The following TRPM5 variants were observed in gnomAD, a reference collection of about 807,000 sequenced individuals.
The protein encoded by TRPM5 is MLSN1 and TRP-related.
A neutral mutation model predicts 124.9 loss-of-function variants in TRPM5; 121 were observed. That is an observed-to-expected ratio of 0.97 (90% CI 0.84 to 1.13). The LOEUF (loss-of-function observed/expected upper bound fraction) is 1.13, where lower values mean the gene tolerates loss of function less well. Among genes scored for constraint, TRPM5 ranks in the 50% most tolerant of loss-of-function variants. TRPM5 has a pLI of 0.00. For synonymous variants in TRPM5, 781 were observed against 700.5 expected, an observed-to-expected ratio of 1.11 and a Z score of -1.81; for missense variants, 1,643 against 1,589.1, an observed-to-expected ratio of 1.03 and a Z score of -0.58.
intron 20 of TRPM5, 90 bp from the exon 26 acceptor site, chr11:2,406,883 GCAGAAGGAGTGAGTGGGGCCCAGC>G (rs1850333686): frequency 2.0e-6 from 3 of 1,519,084 alleles, no homozygotes; most frequent in Non-Finnish European, 2.6e-6. Context: ...GGTGGGCCAG[GCAGAAGGAGTGAGTGGGGCCCAGC>G]CAGGGATGGA....
chr11:2,412,966 G>A (rs1283897729), exon 15 of TRPM5: 1 of 1,605,840 alleles, frequency 6.2e-7, no homozygotes, highest in Non-Finnish European at 8.5e-7. Context: ...ACAGCACGTG[G>A]GCCTCGGTCA....
chr11:2,444,186 C>T, the TRPM5 span, among the ~76,000 whole-genome samples: 123 of 152,280 alleles, frequency 8.1e-4, no homozygotes, highest in African/African-American at 2.8e-3. Flanking sequence ...CTCACCCTCC[C>T]GGTCCAAGGG....
rs377297624 is a variant in TRPM5 at position 2,406,051 on chromosome 11, G to C, written c.3292C>G (p.Gln1098Glu). 1.4e-5 allele frequency: 22 copies of C among 1,612,218 alleles called. No individual in the cohort carries two copies. In the African/African-American group the frequency reaches 2.8e-4, roughly 21 times the overall value. The change falls in exon 22 of 24, where the codon CAA becomes GAA. Residue 1098 changes from glutamine (Q) to glutamate (E), a missense_variant. By Grantham distance (29) the Gln-to-Glu change is conservative (BLOSUM62 2). Transcript: ENST00000155858. ...TCCAGACACTTGATGCGCTTTTCTT[G>C]CTCTCTCAGACCCCCGAGGTACTTG...
chr11:2,416,314 G>C (rs147100290), intron 7 of TRPM5, among the ~76,000 whole-genome samples: 1 of 152,210 alleles, frequency 6.6e-6, no homozygotes, highest in Admixed American at 6.5e-5. Flanking sequence ...CCTGGGCCTC[G>C]AGGCCACTTC....
At chr11:2,415,099 T>G in intron 9 of TRPM5, 22 bp downstream of exon 14, 1 of 1,579,614 alleles carries the variant, frequency 6.3e-7, no homozygotes, top group South Asian at 1.1e-5. Context: ...TCGCCCTCCA[T>G]CCCCACGGAG....
chr11:2,414,009 G>GGGGGGGCCCC, intron 12 of TRPM5, 52 bp downstream of exon 17: 23 of 1,023,718 alleles, frequency 2.2e-5, no homozygotes, highest in Non-Finnish European at 2.9e-5. Flanking sequence ...GGCCCAGCTC[G>GGGGGGGCCCC]CCCGCCCACC....
Position 2,418,525 on chromosome 11 carries a change from A to C in TRPM5, c.714+2T>G, listed in dbSNP as rs947114841. 6.2e-7 allele frequency: 1 copy of C among 1,609,918 alleles called. No homozygotes were observed. The highest frequency in any genetic ancestry group is 8.5e-7 in the Non-Finnish European group (1 of 1,178,928). On this transcript the variant is annotated splice_donor_variant, in intron 5 of 23. Coordinates refer to ENST00000155858, the Ensembl canonical transcript of TRPM5. LOFTEE classifies it high-confidence loss of function. ...GCCAGGGGGCCTCAGCCAGGCCCCT[A>C]CCTCCAAGGTGTTGGGATCACCATT...
At chr11:2,443,828 C>CA in the TRPM5 span, among the ~76,000 whole-genome samples, 1 of 149,216 alleles carries the variant, frequency 6.7e-6, no homozygotes, top group Non-Finnish European at 1.5e-5. This position sits in a 1 kb window ranked among gnomAD's most constrained non-coding sequence, Gnocchi z 5.0. Context: ...CCCCCACCCC[C>CA]CCCCCAAGCC....
At chr11:2,420,525 G>A in intron 3 of TRPM5, 120 bp from the exon 9 acceptor site, 1 of 1,041,736 alleles carries the variant, frequency 9.6e-7, no homozygotes. Flanking sequence ...CAAGGCTTCT[G>A]CCCGAGCCTT....
At chr11:2,408,399 C>T (rs1379690415) in intron 18 of TRPM5, among the ~76,000 whole-genome samples, 1 of 152,242 alleles carries the variant, frequency 6.6e-6, no homozygotes, top group Non-Finnish European at 1.5e-5. Context: ...AGCACTAATG[C>T]CTGTGATTAA....
intron 7 of TRPM5, 27 bp downstream of exon 12, chr11:2,417,700 T>A (rs1328093705): frequency 1.4e-6 from 2 of 1,420,918 alleles, no homozygotes; most frequent in South Asian, 2.4e-5. Flanking sequence ...CAATGGCGCC[T>A]GCCTTGCCCA....
In TRPM5 at chr11:2,421,300, G is replaced by A. The variant is rs536052082; in HGVS notation, c.299-102C>T. 3.7e-5 allele frequency: 51 copies of A among 1,387,122 alleles called. No individual in the cohort carries two copies. In the African/African-American group the frequency reaches 6.2e-4, roughly 17 times the overall value. The allele number at this position is 1,387,122 out of a possible 1,614,324, so 85.9% of individuals were successfully genotyped here. On this transcript the variant is annotated intron_variant, in intron 2 of 23. Transcript: ENST00000155858. ...GGCCCAATCAGCAGCCAGTTACCTG[G>A]GAGCCAGGGGTGGGTGCTGGGGAAT...
intron 4 of TRPM5, 39 bp from the exon 10 acceptor site, chr11:2,418,630 C>A: frequency 6.3e-7 from 1 of 1,582,480 alleles, no homozygotes; most frequent in Non-Finnish European, 8.6e-7. Flanking sequence ...GGACCCTCCG[C>A]CTGGGGTGAC....
chr11:2,426,370 C>G (rs1013601350), upstream of TRPM5, among the ~76,000 whole-genome samples: 2 of 152,158 alleles, frequency 1.3e-5, no homozygotes, highest in Admixed American at 1.3e-4. Context: ...CAAATGGGCC[C>G]AGAGGGAGGT....
intron 22 of TRPM5, 33 bp from the exon 28 acceptor site, chr11:2,405,626 G>A: frequency 6.4e-7 from 1 of 1,551,486 alleles, no homozygotes; most frequent in Non-Finnish European, 8.7e-7. Context: ...GGAAGCTCCA[G>A]GGCTCTCTCA....
the TRPM5 span, among the ~76,000 whole-genome samples, chr11:2,431,702 T>A: frequency 1.1e-4 from 16 of 151,994 alleles, no homozygotes; most frequent in Non-Finnish European, 2.1e-4. Context: ...GCTGGCCCCC[T>A]CTTCCCACTC....
At chr11:2,418,140 G>C in intron 6 of TRPM5, 27 bp downstream of exon 11, 1 of 1,520,208 alleles carries the variant, frequency 6.6e-7, no homozygotes, top group East Asian at 2.4e-5. Context: ...GAGGGGTCGG[G>C]AGGACAGGGG....
exon 24 of TRPM5, chr11:2,404,978 A>T (rs149930824): frequency 1.2e-6 from 2 of 1,612,620 alleles, no homozygotes; most frequent in African/African-American, 1.3e-5. Flanking sequence ...GGTTGTTCCC[A>T]GCCATCTAAA....
At position 2,415,329 on chromosome 11, in the gene TRPM5, C is replaced by G. The variant is rs80326119; in HGVS notation, c.1271G>C (p.Arg424Pro). The G allele has an allele frequency of 3.8e-6, 6 of 1,585,022 alleles. No individual in the cohort carries two copies. The African/African-American group carries it at 5.4e-5, about 14-fold the overall frequency. The stretch of plus-strand genomic sequence containing the variant: ...CAGCAGGTCGAAGAGCAGGCTCTTG[C>G]GTGACACGGAGCGGTAGAGCTCCTG... Residue 424 changes from arginine (R) to proline (P), a missense_variant, in exon 9 of 24, where the codon CGC becomes CCC. Transcript: ENST00000155858.
Sources: allele counts gnomAD v4.1 joint callset (sites outside exome capture counted in the v4.1 genomes callset), GRCh38; gene constraint gnomAD v4.1.1; non-coding constraint Gnocchi (gnomAD v3.1); transcripts MANE v1.5; gene names NCBI Gene and HGNC (gene_info 2026-07-23, HGNC 2026-07-21).